Variants in CARMIL1 observed in about 807,000 individuals in gnomAD.
CARMIL1 encodes F-actin-uncapping protein LRRC16A.
In CARMIL1, 90 loss-of-function variants were observed where a neutral mutation model predicts 177.1. The observed-to-expected ratio is 0.51, with a 90% confidence interval of 0.43 to 0.61. The LOEUF is 0.61. Ranked by LOEUF, CARMIL1 falls within the 20% of genes least tolerant of loss-of-function variation. CARMIL1 has a pLI of 0.00. For synonymous variants in CARMIL1, 577 were observed against 606.2 expected, an observed-to-expected ratio of 0.95 and a Z score of 0.71; for missense variants, 1,380 against 1,667.0, an observed-to-expected ratio of 0.83 and a Z score of 3.00.
intron 2 of CARMIL1, among the ~76,000 whole-genome samples, chr6:25,381,736 C>T (rs563457864): frequency 1.3e-5 from 2 of 152,290 alleles, no homozygotes; most frequent in South Asian, 4.1e-4. Context: ...TGTGTGTTCA[C>T]CAATCCAGAA....
intron 29 of CARMIL1, among the ~76,000 whole-genome samples, chr6:25,568,424 G>A (rs974233516): frequency 3.3e-5 from 5 of 152,176 alleles, no homozygotes; most frequent in Non-Finnish European, 5.9e-5. Context: ...TATTCTGCTT[G>A]CTGGCTAAGG....
chr6:25,320,919 T>A (rs1181792227), intron 2 of CARMIL1, among the ~76,000 whole-genome samples: 1 of 152,230 alleles, frequency 6.6e-6, no homozygotes, highest in Non-Finnish European at 1.5e-5. Context: ...CAAAAAAATC[T>A]CATAATGTTT....
chr6:25,453,998 C>T (rs1243106332), intron 8 of CARMIL1, among the ~76,000 whole-genome samples: 1 of 152,160 alleles, frequency 6.6e-6, no homozygotes, highest in Admixed American at 6.5e-5. Context: ...TAACCCACCA[C>T]GTTTAATTAA....
At chr6:25,394,216 T>A (rs911533844) in intron 2 of CARMIL1, among the ~76,000 whole-genome samples, 1 of 152,236 alleles carries the variant, frequency 6.6e-6, no homozygotes, top group Non-Finnish European at 1.5e-5. Flanking sequence ...CTTCCCGCTA[T>A]GATTTTGTTC....
chr6:25,503,985 C>T (rs1041241335), intron 17 of CARMIL1, among the ~76,000 whole-genome samples: 1 of 152,026 alleles, frequency 6.6e-6, no homozygotes, highest in Non-Finnish European at 1.5e-5. Context: ...CTCAATGCAT[C>T]CTGTGGGTAC....
At chr6:25,327,728 A>G (rs1024138834) in intron 2 of CARMIL1, among the ~76,000 whole-genome samples, 2 of 152,242 alleles carry the variant, frequency 1.3e-5, no homozygotes, top group African/African-American at 4.8e-5. Flanking sequence ...AAGCTGCAAT[A>G]AAATCATTCC....
rs139806635 is a variant in CARMIL1 at position 25,404,939 on chromosome 6, C to T, written c.139-15175C>T. 3.7e-4 allele frequency among the ~76,000 whole-genome samples: 56 copies of T among 152,184 alleles called. No homozygotes were observed. In the East Asian group the frequency reaches 7.9e-3, roughly 22 times the overall value. ...TTTGTTGGTTCCCACTGAGGCACGG[C>T]GGAGGAGGCACAGCTGTGCAGAGAT... On this transcript the variant is annotated intron_variant, in intron 2 of 36. Transcript: ENST00000329474.
At chr6:25,284,074 CAT>C (rs956068585) in intron 1 of CARMIL1, among the ~76,000 whole-genome samples, 4 of 152,082 alleles carry the variant, frequency 2.6e-5, no homozygotes, top group African/African-American at 4.8e-5. Flanking sequence ...AAGACTTACT[CAT>C]AGAGAATGCT....
intron 12 of CARMIL1, among the ~76,000 whole-genome samples, chr6:25,486,725 C>T (rs1367552838): frequency 6.6e-6 from 1 of 151,990 alleles, no homozygotes; most frequent in Non-Finnish European, 1.5e-5. Flanking sequence ...TTGTTCTTGC[C>T]CCATTGATAA....
At chr6:25,606,017 G>A (rs1562334756) in intron 34 of CARMIL1, 44 bp from the exon 35 acceptor site, 2 of 1,423,456 alleles carry the variant, frequency 1.4e-6, no homozygotes, top group African/African-American at 1.4e-5. Flanking sequence ...CAAGTTATTG[G>A]CTTCTTTGAC....
chr6:25,422,160 A>T (rs933618717), intron 3 of CARMIL1, among the ~76,000 whole-genome samples: 5 of 152,116 alleles, frequency 3.3e-5, no homozygotes, highest in East Asian at 3.8e-4. Flanking sequence ...ACTGAGCTGA[A>T]CTGCTTCCCC....
intron 26 of CARMIL1, among the ~76,000 whole-genome samples, chr6:25,549,231 CT>C (rs1809824006): frequency 6.6e-6 from 1 of 152,186 alleles, no homozygotes; most frequent in Admixed American, 6.5e-5. Flanking sequence ...GGCTTCCTCC[CT>C]TTAGGTGTGA....
rs557620143 is a variant in CARMIL1 at position 25,577,604 on chromosome 6, AT to A, written c.2743-3313del. Among the ~76,000 whole-genome samples, 14 of 152,054 alleles carry A rather than the reference AT, an allele frequency of 9.2e-5. No individual in the cohort carries two copies. The South Asian group carries it at 2.3e-3, about 25-fold the overall frequency. On this transcript the variant is annotated intron_variant, in intron 29 of 36. Coordinates refer to ENST00000329474, the MANE Select transcript of CARMIL1 (RefSeq NM_017640.6). The surrounding 1 kb of genome is among the most constrained non-coding windows in gnomAD (Gnocchi z 4.5). ...TGGTGACTTAAGCAACTTGACTCTC[AT>A]TTTTTTAAAAAAAAAGTATGTCTAG... is the stretch of plus-strand genomic sequence containing the variant.
intron 2 of CARMIL1, among the ~76,000 whole-genome samples, chr6:25,367,829 G>A (rs891152151): frequency 6.6e-5 from 10 of 152,130 alleles, no homozygotes; most frequent in African/African-American, 1.9e-4. Context: ...CATGATCTCG[G>A]CTCACTGCAG....
chr6:25,395,567 A>G (rs1470742990), intron 2 of CARMIL1, among the ~76,000 whole-genome samples: 1 of 152,182 alleles, frequency 6.6e-6, no homozygotes, highest in Non-Finnish European at 1.5e-5. Context: ...TTTTGTTTTC[A>G]CTTATTTTTC....
chr6:25,352,200 C>A (rs1162768051), intron 2 of CARMIL1, among the ~76,000 whole-genome samples: 1 of 151,754 alleles, frequency 6.6e-6, no homozygotes, highest in African/African-American at 2.4e-5. Flanking sequence ...CATAAATGAC[C>A]CCAGATAACA....
Position 25,610,131 on chromosome 6 carries a change from G to C in CARMIL1, c.3929G>C (p.Arg1310Thr), listed in dbSNP as rs1430201503. The change falls in exon 36 of 37, where the codon AGA becomes ACA. Residue 1310 changes from arginine to threonine, a missense_variant. Physicochemically the swap from Arg to Thr is moderately conservative, Grantham distance 71. Coordinates refer to ENST00000329474, the MANE Select transcript of CARMIL1 (RefSeq NM_017640.6). ...VLKKVPSDKE[R>T]DGQSSPQPSP... is the part of the protein sequence containing the mutation. ...AAAAAAGTTCCTTCAGACAAAGAGA[G>C]AGATGGCCAGAGTAGCCCCCAGCCC... The C allele has an allele frequency of 1.9e-6, 3 of 1,613,930 alleles. No individual in the cohort carries two copies. Among genetic ancestry groups the C allele is most frequent in the Non-Finnish European group, 2.5e-6 (3 of 1,179,860 alleles).
intron 23 of CARMIL1, among the ~76,000 whole-genome samples, chr6:25,526,156 A>G (rs1262305353): frequency 1.4e-4 from 7 of 51,030 alleles, no homozygotes; most frequent in Non-Finnish European, 3.3e-4. Context: ...AATACAAATA[A>G]ATAAATAAAT....
In CARMIL1 at chr6:25,576,559, TC is replaced by T. The variant is rs1200262348; in HGVS notation, c.2743-4363del. Among the ~76,000 whole-genome samples the T allele has an allele frequency of 5.9e-5, 9 of 152,282 alleles. No individual in the cohort carries two copies. In the East Asian group the frequency reaches 1.5e-3, roughly 26 times the overall value. ...TTAGTTGTTGAGACTGGTCCTGTGG[TC>T]CAGGAGCCAGGACTTGCATGGGGTT... On this transcript the variant is annotated intron_variant, in intron 29 of 36. Transcript: ENST00000329474.
Sources: gnomAD v4.1 joint callset for allele counts (sites outside exome capture counted in the v4.1 genomes callset) on GRCh38, gnomAD v4.1.1 for gene constraint, Gnocchi (gnomAD v3.1) non-coding constraint, MANE v1.5 for transcripts, NCBI Gene and HGNC (gene_info 2026-07-23, HGNC 2026-07-21) for gene names.